The following DRG2 variants were observed in gnomAD, a reference collection of about 807,000 sequenced individuals.
DRG2 encodes the protein developmentally regulated GTP binding protein 2.
A neutral mutation model predicts 53.4 loss-of-function variants in DRG2; 36 were observed. That is an observed-to-expected ratio of 0.67 (90% CI 0.52 to 0.89). DRG2 has a LOEUF of 0.89. Among genes scored for constraint, DRG2 ranks in the 40% least tolerant of loss-of-function variants. The pLI is 0.00. For missense variants in DRG2, 342 were observed against 481.2 expected (o/e 0.71, Z 2.71); for synonymous variants, 167 against 192.1 (o/e 0.87, Z 1.08).
intron 1 of DRG2, among the ~76,000 whole-genome samples, chr17:18,093,568 T>A (rs1434256538): frequency 3.3e-5 from 5 of 152,204 alleles, no homozygotes; most frequent in Non-Finnish European, 7.3e-5. Flanking sequence ...TCCACCCGCC[T>A]CGGCCTCCCA....
At chr17:18,101,611 C>G in intron 8 of DRG2, 21 bp downstream of exon 8, 1 of 1,609,982 alleles carries the variant, frequency 6.2e-7, no homozygotes. Flanking sequence ...GAGGGGAGCC[C>G]TGGCCTGGCC....
chr17:18,090,122 G>A (rs898635671), intron 1 of DRG2, among the ~76,000 whole-genome samples: 1 of 150,200 alleles, frequency 6.7e-6, no homozygotes, highest in African/African-American at 2.4e-5. Flanking sequence ...TCCCTTCAGA[G>A]ATGCTCAGAA....
chr17:18,101,705 C>T, intron 8 of DRG2, 115 bp downstream of exon 8: 1 of 1,109,996 alleles, frequency 9.0e-7, no homozygotes, highest in Non-Finnish European at 1.3e-6. Flanking sequence ...CTCCCCTCAC[C>T]TCACCTCACC....
At position 18,098,917 on chromosome 17, in the gene DRG2, C is replaced by A; in HGVS notation, c.316-100C>A. 7.2e-7 allele frequency: 1 copy of A among 1,388,154 alleles called. No homozygotes were observed. Among genetic ancestry groups the A allele is most frequent in the Non-Finnish European group, 1.0e-6 (1 of 994,552 alleles). 86.0% of individuals were successfully genotyped at this position (1,388,154 alleles called of 1,614,324 possible). ...AGGTTGGCATCTGGGTTTCCCTCAG[C>A]CCCTGAGCCCCGGGGCCATTCCAGA... On this transcript the variant is annotated intron_variant, in intron 3 of 12. Coordinates refer to ENST00000225729, the MANE Select transcript of DRG2 (RefSeq NM_001388.5). This position sits in a 1 kb window ranked among gnomAD's most constrained non-coding sequence, Gnocchi z 4.1.
In DRG2 at chr17:18,098,155, C is replaced by T. The variant is rs1025649312; in HGVS notation, c.226-115C>T. 1.2e-4 allele frequency: 100 copies of T among 803,248 alleles called. No homozygotes were observed. The highest frequency in any genetic ancestry group is 1.2e-4 in the African/African-American group (7 of 58,088). 49.8% of individuals were successfully genotyped at this position (803,248 alleles called of 1,614,324 possible). A position where few individuals can be genotyped will look rare whatever the true frequency, so the allele number is the denominator to read the frequency against. ...TTCACAGCCACCTAGGTCACCAAGC[C>T]GAGGGTGAGAGGGTCTCCTCCTGCT... On this transcript the variant is annotated intron_variant, in intron 2 of 12. Transcript: ENST00000225729. The surrounding 1 kb of genome is among the most constrained non-coding windows in gnomAD (Gnocchi z 4.1).
chr17:18,107,258 C>A lies in DRG2; in HGVS notation c.*18C>A. Reference sequence around the variant, plus strand: ...AGAAGTAACGGCGCCTGCCGGGCCTCCCGCCCACCTGCCTCGTCTCCCTGG... The same window carrying A: ...AGAAGTAACGGCGCCTGCCGGGCCTACCGCCCACCTGCCTCGTCTCCCTGG... On this transcript the variant is annotated 3_prime_UTR_variant, in exon 13 of 13. Coordinates refer to ENST00000225729, the MANE Select transcript of DRG2 (RefSeq NM_001388.5). 1 of 1,611,554 alleles carries A rather than the reference C, an allele frequency of 6.2e-7. No homozygotes were observed. Among genetic ancestry groups the A allele is most frequent in the Non-Finnish European group, 8.5e-7 (1 of 1,179,560 alleles).
At chr17:18,088,422 C>T (rs1353834728) in intron 1 of DRG2, among the ~76,000 whole-genome samples, 1 of 152,220 alleles carries the variant, frequency 6.6e-6, no homozygotes, top group Non-Finnish European at 1.5e-5. Context: ...GGCCTGGGGC[C>T]TGGGTCTACT....
At chr17:18,088,225 C>A (rs2045250588) in intron 1 of DRG2, 138 bp downstream of exon 1, 1 of 1,104,388 alleles carries the variant, frequency 9.1e-7, no homozygotes, top group Non-Finnish European at 1.3e-6. Flanking sequence ...GCCGAGGCCG[C>A]CCTGCGCGCC....
rs199769378 is a variant in DRG2 at position 18,100,652 on chromosome 17, C to T, written c.624C>T (p.His208=). The T allele has an allele frequency of 4.8e-5, 77 of 1,613,792 alleles. No individual in the cohort carries two copies. In the East Asian group the frequency reaches 9.8e-4, roughly 21 times the overall value. ...AAAAGCTGGTGCAGCTCATCCTGCA[C>T]GAATACAGTATCCTTCCCTGAAAGA... ...CSEKLVQLIL[H]EYKIFNAEVL... The change falls in exon 7 of 13, where the codon CAC becomes CAT. Residue 208 remains histidine (H), a synonymous_variant. Transcript: ENST00000225729. This position sits in a 1 kb window ranked among gnomAD's most constrained non-coding sequence, Gnocchi z 4.1.
intron 11 of DRG2, 48 bp from the exon 12 acceptor site, chr17:18,106,385 G>A (rs376761522): frequency 4.3e-5 from 69 of 1,606,180 alleles, no homozygotes; most frequent in Non-Finnish European, 5.8e-5. Flanking sequence ...CTTGGGATGG[G>A]GTTAGGTGAA....
chr17:18,103,923 T>G lies in DRG2; in HGVS notation c.895+34T>G. 6.2e-7 allele frequency: 1 copy of G among 1,604,782 alleles called. No homozygotes were observed. The highest frequency in any genetic ancestry group is 8.5e-7 in the Non-Finnish European group (1 of 1,171,854). ...CACTGCGCGTAGCTGAAAAACAGGCTGAGCTTCATCCCTAGAAGGCTGCCA... is the reference window on the plus strand; with the variant it reads ...CACTGCGCGTAGCTGAAAAACAGGCGGAGCTTCATCCCTAGAAGGCTGCCA... On this transcript the variant is annotated intron_variant, in intron 10 of 12. Transcript: ENST00000225729. This position sits in a 1 kb window ranked among gnomAD's most constrained non-coding sequence, Gnocchi z 4.4.
At chr17:18,106,269 G>A (rs1178438793) in intron 11 of DRG2, 164 bp from the exon 12 acceptor site, 13 of 678,840 alleles carry the variant, frequency 1.9e-5, no homozygotes, top group African/African-American at 1.1e-4. Flanking sequence ...GGCTATGTGC[G>A]AATTGAGCAC....
intron 1 of DRG2, among the ~76,000 whole-genome samples, chr17:18,088,996 G>A (rs1191270078): frequency 1.3e-5 from 2 of 152,180 alleles, no homozygotes; most frequent in South Asian, 2.1e-4. Context: ...AATTGGCCAG[G>A]CTAGTGGCTA....
chr17:18,095,263 T>C (rs1466480625), intron 2 of DRG2, among the ~76,000 whole-genome samples: 2 of 151,824 alleles, frequency 1.3e-5, no homozygotes, highest in Non-Finnish European at 2.9e-5. Flanking sequence ...CCGCCCACCT[T>C]GGCCTCCCAA....
At position 18,103,979 on chromosome 17, in the gene DRG2, A is replaced by G; in HGVS notation, c.895+90A>G. 1 of 1,287,098 alleles carries G rather than the reference A, an allele frequency of 7.8e-7. No homozygotes were observed. Among genetic ancestry groups the G allele is most frequent in the Non-Finnish European group, 1.1e-6 (1 of 889,188 alleles). 79.7% of individuals were successfully genotyped at this position (1,287,098 alleles called of 1,614,324 possible). The stretch of plus-strand genomic sequence containing the variant: ...GTGTGTGGTGCCCAGAGACCCCAGC[A>G]CCGGCTCTGGCCTGGCTTGTCTAGA... On this transcript the variant is annotated intron_variant, in intron 10 of 12. Transcript: ENST00000225729. The surrounding 1 kb of genome is among the most constrained non-coding windows in gnomAD (Gnocchi z 4.4).
Position 18,100,170 on chromosome 17 carries a change from C to G in DRG2, c.468-193C>G, listed in dbSNP as rs1270289607. On this transcript the variant is annotated intron_variant, in intron 5 of 12. Coordinates refer to ENST00000225729, the MANE Select transcript of DRG2 (RefSeq NM_001388.5). This position sits in a 1 kb window ranked among gnomAD's most constrained non-coding sequence, Gnocchi z 4.1. ...CGACCGTAAACCGGGCCAGTCCCCTCTGGGACTGTGGCAGAGTTTAGAAGT... is the reference window on the plus strand; with the variant it reads ...CGACCGTAAACCGGGCCAGTCCCCTGTGGGACTGTGGCAGAGTTTAGAAGT... The G allele has an allele frequency of 7.7e-6, 5 of 647,948 alleles. No homozygotes were observed. In the Admixed American group the frequency reaches 1.1e-4, roughly 14 times the overall value. The allele number at this position is 647,948 out of a possible 1,614,324, so 40.1% of individuals were successfully genotyped here. A position where few individuals can be genotyped will look rare whatever the true frequency, so the allele number is the denominator to read the frequency against.
At position 18,101,949 on chromosome 17, in the gene DRG2, T is replaced by C. The variant is rs1420653075; in HGVS notation, c.758T>C (p.Met253Thr). The part of the protein sequence containing the change: ...YVYNKIDQIS[M>T]EEVDRLARKP... ...TATAACAAAATCGACCAGATCTCCA[T>C]GGAAGAGGTGGACCGCCTGGCCCGA... is the stretch of plus-strand genomic sequence containing the variant. The change falls in exon 9 of 13, where the codon ATG becomes ACG. Residue 253 changes from methionine (M) to threonine (T), a missense_variant. Coordinates refer to ENST00000225729, the MANE Select transcript of DRG2 (RefSeq NM_001388.5). 1 of 1,612,556 alleles carries C rather than the reference T, an allele frequency of 6.2e-7. No individual in the cohort carries two copies. The highest frequency in any genetic ancestry group is 2.2e-5 in the East Asian group (1 of 44,866).
At position 18,094,922 on chromosome 17, in the gene DRG2, C is replaced by T. The variant is rs1427851520; in HGVS notation, c.225+949C>T. Among the ~76,000 whole-genome samples the T allele has an allele frequency of 1.9e-4, 22 of 117,210 alleles. No individual in the cohort carries two copies. The East Asian group carries it at 5.4e-3, about 29-fold the overall frequency. 76.9% of individuals were successfully genotyped at this position (117,210 alleles called of 152,430 possible). A position where few individuals can be genotyped will look rare whatever the true frequency, so the allele number is the denominator to read the frequency against. On this transcript the variant is annotated intron_variant, in intron 2 of 12. Transcript: ENST00000225729. ...CTGGGAAGCAGAGGTTGCGGTGAGCCGAGATTGCACCATTGCACTCTAGCC... is the reference window on the plus strand; with the variant it reads ...CTGGGAAGCAGAGGTTGCGGTGAGCTGAGATTGCACCATTGCACTCTAGCC...
At chr17:18,091,982 G>A (rs1161381420) in intron 1 of DRG2, 4 of 152,240 alleles carry the variant, frequency 2.6e-5, no homozygotes, top group Admixed American at 1.3e-4. Flanking sequence ...TAATGGCAGG[G>A]TGGAGTTCTG....
Sources: gnomAD v4.1 joint callset for allele counts (sites outside exome capture counted in the v4.1 genomes callset) on GRCh38, gnomAD v4.1.1 for gene constraint, Gnocchi (gnomAD v3.1) non-coding constraint, MANE v1.5 for transcripts, NCBI Gene and HGNC (gene_info 2026-07-23, HGNC 2026-07-21) for gene names.